The following SPAG9 variants were observed in gnomAD, a reference collection of about 807,000 sequenced individuals.
SPAG9 encodes the protein C-Jun-amino-terminal kinase-interacting protein 4.
In SPAG9, 35 loss-of-function variants were observed where a neutral mutation model predicts 166.5. The observed-to-expected ratio is 0.21, with a 90% CI of 0.16 to 0.28. The LOEUF (loss-of-function observed/expected upper bound fraction) is 0.28, where lower values mean the gene tolerates loss of function less well. Ranked by LOEUF, SPAG9 falls within the 10% of genes least tolerant of loss-of-function variation. SPAG9 has a pLI of 1.00. For synonymous variants in SPAG9, 534 were observed against 565.5 expected, an observed-to-expected ratio of 0.94 and a Z score of 0.79; for missense variants, 1,235 against 1,603.3, an observed-to-expected ratio of 0.77 and a Z score of 3.92.
chr17:50,968,637 A>G (rs888844441), intron 29 of SPAG9, among the ~76,000 whole-genome samples: 1 of 152,166 alleles, frequency 6.6e-6, no homozygotes, highest in African/African-American at 2.4e-5. Flanking sequence ...AGGCTGAGGC[A>G]TGAGAATTGC....
At position 50,970,789 on chromosome 17, in the gene SPAG9, A is replaced by C. The variant is rs774313978; in HGVS notation, c.3768T>G (p.Ser1256=). The part of the protein sequence containing the change: ...TDLTGDKAGP[S]AQEPGSQTPL... ...GCGTCTGACTACCAGGCTCCTGTGC[A>C]GATGGCCCTGCTTTGTCACCCGTCA... is the stretch of plus-strand genomic sequence containing the variant. Residue 1256 remains serine, a synonymous_variant, in exon 29 of 30, where the codon TCT becomes TCG. Transcript: ENST00000262013. 172 of 1,614,054 alleles carry C rather than the reference A, an allele frequency of 1.1e-4. No individual in the cohort carries two copies. The highest frequency in any genetic ancestry group is 1.4e-4 in the Non-Finnish European group (168 of 1,180,012).
At chr17:51,047,723 C>CT (rs959050625) in intron 3 of SPAG9, among the ~76,000 whole-genome samples, 13 of 146,726 alleles carry the variant, frequency 8.9e-5, no homozygotes, top group Admixed American at 1.4e-4. Context: ...AAAAAACCCA[C>CT]TTTTTTTACA....
intron 8 of SPAG9, 73 bp downstream of exon 8, chr17:51,020,086 G>A: frequency 3.6e-6 from 3 of 826,846 alleles, no homozygotes; most frequent in South Asian, 3.0e-5. Context: ...TTTGTCCAGA[G>A]ACTGGAGAAC....
At position 51,094,094 on chromosome 17, in the gene SPAG9, T is replaced by TC. The variant is rs539445491; in HGVS notation, c.304-14391dup. 1.1e-4 allele frequency among the ~76,000 whole-genome samples: 17 copies of TC among 152,128 alleles called. 1 individual carries two copies. Among genetic ancestry groups the TC allele is most frequent in the African/African-American group, 4.1e-4 (17 of 41,518 alleles). On this transcript the variant is annotated intron_variant, in intron 1 of 29. Coordinates refer to ENST00000262013, the MANE Select transcript of SPAG9 (RefSeq NM_001130528.3). Reference sequence around the variant, plus strand: ...GTAAATATCTAGGCTTACCTACCACTCCACCAGCCACACCTCAAAGAGACT... The same window carrying TC: ...GTAAATATCTAGGCTTACCTACCACTCCCACCAGCCACACCTCAAAGAGACT...
chr17:51,057,881 T>C (rs573891596), intron 2 of SPAG9, among the ~76,000 whole-genome samples: 49 of 152,190 alleles, frequency 3.2e-4, no homozygotes, highest in Admixed American at 7.2e-4. Context: ...AAATAATAGA[T>C]GCTAAAACCA....
At chr17:51,019,451 G>A (rs2045843938) in intron 8 of SPAG9, among the ~76,000 whole-genome samples, 1 of 152,046 alleles carries the variant, frequency 6.6e-6, no homozygotes, top group South Asian at 2.1e-4. Context: ...CAGCTACTCG[G>A]GAAGCTGAGG....
intron 21 of SPAG9, 129 bp from the exon 22 acceptor site, chr17:50,987,366 G>C: frequency 6.3e-6 from 5 of 798,314 alleles, no homozygotes; most frequent in Non-Finnish European, 9.3e-6. Context: ...TAGAGATAGG[G>C]TATCACTCTG....
At position 50,996,584 on chromosome 17, in the gene SPAG9, A is replaced by G; in HGVS notation, c.1949T>C (p.Leu650Pro). Residue 650 changes from leucine to proline, a missense_variant, in exon 16 of 30, where the codon CTG becomes CCG. This residue lies in a region of SPAG9 where 493 missense variants were observed against 559.4 expected (regional missense o/e 0.88). Coordinates refer to ENST00000262013, the MANE Select transcript of SPAG9 (RefSeq NM_001130528.3). ...DGRVQAFGWS[L>P]PQKYKQVTNG... Reference sequence around the variant, plus strand: ...TATTACCTGTTTGTACTTCTGAGGCAGACTCCAGCCAAAAGCCTGCACTCT... The same window carrying G: ...TATTACCTGTTTGTACTTCTGAGGCGGACTCCAGCCAAAAGCCTGCACTCT... 6.2e-7 allele frequency: 1 copy of G among 1,614,160 alleles called. No individual in the cohort carries two copies. The highest frequency in any genetic ancestry group is 8.5e-7 in the Non-Finnish European group (1 of 1,180,018).
At chr17:50,987,566 A>T (rs1975152219) in intron 21 of SPAG9, among the ~76,000 whole-genome samples, 1 of 152,148 alleles carries the variant, frequency 6.6e-6, no homozygotes, top group Non-Finnish European at 1.5e-5. Flanking sequence ...GCCAAAGTCA[A>T]AAGCTTACAT....
At chr17:51,002,108 T>C (rs979527917) in intron 12 of SPAG9, among the ~76,000 whole-genome samples, 15 of 152,160 alleles carry the variant, frequency 9.9e-5, no homozygotes, top group African/African-American at 3.4e-4. Flanking sequence ...CTGGAACTTC[T>C]GGGTTAAAGC....
intron 8 of SPAG9, among the ~76,000 whole-genome samples, chr17:51,018,363 CA>C (rs555936704): frequency 4.0e-4 from 57 of 141,392 alleles, no homozygotes; most frequent in Admixed American, 5.6e-4. Flanking sequence ...GACTGCATCT[CA>C]AAAAAAAAAA....
chr17:51,106,424 T>C (rs1488649704), intron 1 of SPAG9, among the ~76,000 whole-genome samples: 2 of 152,362 alleles, frequency 1.3e-5, no homozygotes, highest in Admixed American at 6.5e-5. Context: ...TTATTGTTTA[T>C]TGCAATGTAA....
At chr17:51,039,219 T>C (rs2144373522) in intron 5 of SPAG9, among the ~76,000 whole-genome samples, 1 of 152,298 alleles carries the variant, frequency 6.6e-6, no homozygotes, top group African/African-American at 2.4e-5. Context: ...GATGGCTAGG[T>C]CATCCTCAAT....
intron 1 of SPAG9, among the ~76,000 whole-genome samples, chr17:51,086,433 G>A (rs1353763389): frequency 3.3e-5 from 5 of 149,850 alleles, no homozygotes; most frequent in African/African-American, 9.9e-5. Flanking sequence ...CAGAGCTTAG[G>A]AATCTGAGAC....
In SPAG9 at chr17:50,983,819, T is replaced by C. The variant is rs371635811; in HGVS notation, c.3088+1104A>G. Among the ~76,000 whole-genome samples the C allele has an allele frequency of 5.9e-5, 9 of 152,296 alleles. No individual in the cohort carries two copies. The East Asian group carries it at 1.7e-3, about 29-fold the overall frequency. On this transcript the variant is annotated intron_variant, in intron 24 of 29. Coordinates refer to ENST00000262013, the MANE Select transcript of SPAG9 (RefSeq NM_001130528.3). ...ATGACCATGGAACTTTCTTAATAAT[T>C]TACTGTAAAGATTAAACATAGATAA...
At chr17:51,067,401 G>A (rs769554328) in intron 2 of SPAG9, among the ~76,000 whole-genome samples, 2 of 152,156 alleles carry the variant, frequency 1.3e-5, no homozygotes, top group Non-Finnish European at 2.9e-5. Flanking sequence ...GGGGAAAGCA[G>A]GAAAGAAAAG....
At chr17:50,992,443 G>C (rs564570152) in intron 19 of SPAG9, among the ~76,000 whole-genome samples, 49 of 152,276 alleles carry the variant, frequency 3.2e-4, no homozygotes, top group African/African-American at 1.0e-3. Flanking sequence ...GGCCAAGGCA[G>C]GCAGATCACT....
chr17:51,037,661 TG>T (rs2046643975), intron 5 of SPAG9, among the ~76,000 whole-genome samples: 1 of 62,288 alleles, frequency 1.6e-5, no homozygotes, highest in African/African-American at 6.2e-5. Flanking sequence ...TAAATATATG[TG>T]TTTTATATAT....
chr17:51,109,209 T>A lies in SPAG9; in HGVS notation c.303+11145A>T, dbSNP rs1223407019. Among the ~76,000 whole-genome samples the A allele has an allele frequency of 3.3e-5, 5 of 152,020 alleles. No homozygotes were observed. In the East Asian group the frequency reaches 9.6e-4, roughly 29 times the overall value. On this transcript the variant is annotated intron_variant, in intron 1 of 29. Transcript: ENST00000262013. ...ATTAGCCAATTTTAATTCCGTTTTA[T>A]ATATTTCACATTTAAATTTCTTTTT... is the stretch of plus-strand genomic sequence containing the variant.
Sources: allele counts gnomAD v4.1 joint callset (sites outside exome capture counted in the v4.1 genomes callset), GRCh38; gene constraint gnomAD v4.1.1; regional missense constraint gnomAD v4.1.1; transcripts MANE v1.5; gene names NCBI Gene and HGNC (gene_info 2026-07-23, HGNC 2026-07-21).